Variants in AUTS2 observed in about 807,000 individuals in gnomAD.
AUTS2 encodes the protein autism susceptibility gene 2 protein.
A neutral mutation model predicts 112.4 loss-of-function variants in AUTS2; 17 were observed. That is an observed-to-expected ratio of 0.15 (90% CI 0.10 to 0.23). The LOEUF (loss-of-function observed/expected upper bound fraction) is 0.23. Ranked by LOEUF, AUTS2 falls within the 10% of genes least tolerant of loss-of-function variation. The pLI, the probability that AUTS2 is intolerant of heterozygous loss-of-function variation, is 1.00. For synonymous variants in AUTS2, 751 were observed against 702.7 expected (o/e 1.07, Z -1.09); for missense variants, 1,510 against 1,701.6 (o/e 0.89, Z 1.98).
At chr7:70,672,555 G>GATA (rs1327279103) in intron 5 of AUTS2, among the ~76,000 whole-genome samples, 2 of 152,118 alleles carry the variant, frequency 1.3e-5, no homozygotes, top group Non-Finnish European at 2.9e-5. Flanking sequence ...CAGCTGAATA[G>GATA]ATAATAGTCA....
Position 70,439,488 on chromosome 7 carries a change from G to A in AUTS2, c.690+3707G>A, listed in dbSNP as rs895526675. On this transcript the variant is annotated intron_variant, in intron 5 of 18. Transcript: ENST00000342771. ...CGGGAGGCGGAAGTTGCAGTGAGCC[G>A]AGATCGCACCATTGCACTCCAGCCT... Among the ~76,000 whole-genome samples, 14 of 145,656 alleles carry A rather than the reference G, an allele frequency of 9.6e-5. 1 individual carries two copies. The South Asian group carries it at 1.5e-3, about 16-fold the overall frequency.
chr7:69,727,153 G>A (rs186550947), intron 1 of AUTS2, among the ~76,000 whole-genome samples: 1 of 152,072 alleles, frequency 6.6e-6, no homozygotes, highest in Non-Finnish European at 1.5e-5. Flanking sequence ...ATCTTTTGGT[G>A]TATGTTCCAT....
intron 5 of AUTS2, among the ~76,000 whole-genome samples, chr7:70,682,044 C>G (rs910870808): frequency 2.5e-4 from 38 of 152,142 alleles, no homozygotes; most frequent in African/African-American, 7.0e-4. Context: ...ATTCTAGAAC[C>G]AGAGGTTTGA....
At chr7:70,052,116 A>C (rs1409490744) in intron 2 of AUTS2, among the ~76,000 whole-genome samples, 1 of 152,234 alleles carries the variant, frequency 6.6e-6, no homozygotes, top group East Asian at 1.9e-4. Context: ...TGTGCAGTGC[A>C]GCAAGACATA....
At chr7:70,767,865 G>C (rs1790037222) in intron 9 of AUTS2, among the ~76,000 whole-genome samples, 159 bp from the exon 10 acceptor site, 1 of 152,200 alleles carries the variant, frequency 6.6e-6, no homozygotes, top group Admixed American at 6.5e-5. Flanking sequence ...TTGGCTTCTT[G>C]TCAGGGAGAC....
chr7:70,583,446 T>C (rs530626256), intron 5 of AUTS2, among the ~76,000 whole-genome samples: 1 of 152,338 alleles, frequency 6.6e-6, no homozygotes, highest in Admixed American at 6.5e-5. Context: ...CTGATCTCCC[T>C]GCTCGAGGCA....
At chr7:70,384,081 G>A (rs1039109479) in intron 4 of AUTS2, among the ~76,000 whole-genome samples, 1 of 152,230 alleles carries the variant, frequency 6.6e-6, no homozygotes, top group Non-Finnish European at 1.5e-5. Flanking sequence ...TTGTCACTGG[G>A]AAGTGAAGCT....
At position 70,238,483 on chromosome 7, in the gene AUTS2, C is replaced by T. The variant is rs147949790; in HGVS notation, c.660+103912C>T. 2.8e-4 allele frequency among the ~76,000 whole-genome samples: 42 copies of T among 152,282 alleles called. No individual in the cohort carries two copies. In the East Asian group the frequency reaches 7.5e-3, roughly 27 times the overall value. On this transcript the variant is annotated intron_variant, in intron 4 of 18. Transcript: ENST00000342771. ...TCCCTCCCTTCTTATTTACTTTCCT[C>T]TTTTAGCTTAGCAAGTCCTCTCTCT...
At chr7:70,629,604 G>A (rs957434240) in intron 5 of AUTS2, among the ~76,000 whole-genome samples, 7 of 152,152 alleles carry the variant, frequency 4.6e-5, no homozygotes, top group Admixed American at 2.0e-4. Flanking sequence ...AGAGGCAGGC[G>A]CGTCTCAGAT....
intron 1 of AUTS2, among the ~76,000 whole-genome samples, chr7:69,673,687 G>A (rs951739217): frequency 6.6e-6 from 1 of 152,148 alleles, no homozygotes; most frequent in African/African-American, 2.4e-5. Flanking sequence ...ATTCCTTATT[G>A]GTAGAAAGGT....
At chr7:69,670,170 C>T (rs1796251300) in intron 1 of AUTS2, among the ~76,000 whole-genome samples, 1 of 152,102 alleles carries the variant, frequency 6.6e-6, no homozygotes, top group Non-Finnish European at 1.5e-5. Flanking sequence ...ACTTGGTGAG[C>T]AAGACCTGAC....
intron 5 of AUTS2, among the ~76,000 whole-genome samples, chr7:70,472,342 G>A (rs2115925651): frequency 6.7e-6 from 1 of 148,672 alleles, no homozygotes; most frequent in African/African-American, 2.5e-5. Context: ...TCTTGTTTGG[G>A]TTTTGGGGCT....
intron 4 of AUTS2, among the ~76,000 whole-genome samples, chr7:70,163,911 C>T (rs553320656): frequency 1.3e-5 from 2 of 152,222 alleles, no homozygotes; most frequent in East Asian, 3.9e-4. Flanking sequence ...AGCAGGAGAA[C>T]TGAGAAATTC....
rs145390451 is a variant in AUTS2, at chr7:70,786,406, G to A, written c.2308+368G>A. Among the ~76,000 whole-genome samples the A allele has an allele frequency of 7.4e-3, 1,125 of 152,272 alleles. 12 individuals carry two copies. The highest frequency in any genetic ancestry group is 0.025 in the African/African-American group (1,043 of 41,546). ...GCAATTGTTACATTTCATCTTGCCC[G>A]TGGCATTCGTGGAATTGAAAAAAGC... On this transcript the variant is annotated intron_variant, in intron 17 of 18. Transcript: ENST00000342771.
intron 1 of AUTS2, among the ~76,000 whole-genome samples, chr7:69,776,304 A>T (rs1333091784): frequency 6.6e-6 from 1 of 152,186 alleles, no homozygotes; most frequent in Non-Finnish European, 1.5e-5. Context: ...AGGAGGGATT[A>T]GTTAGGTTTT....
At chr7:69,797,032 G>A (rs973832511) in intron 1 of AUTS2, among the ~76,000 whole-genome samples, 4 of 152,070 alleles carry the variant, frequency 2.6e-5, no homozygotes, top group Non-Finnish European at 5.9e-5. Flanking sequence ...AAGTGTAAAG[G>A]GCCTAGTATA....
chr7:70,485,661 T>A (rs891739760), intron 5 of AUTS2, among the ~76,000 whole-genome samples: 1 of 151,822 alleles, frequency 6.6e-6, no homozygotes, highest in Non-Finnish European at 1.5e-5. Context: ...AAAAAAAGTA[T>A]CTCTGGTTTC....
chr7:69,824,574 A>G, intron 1 of AUTS2: 1 of 151,722 alleles, frequency 6.6e-6, no homozygotes, highest in East Asian at 1.9e-4. Flanking sequence ...GGGCTTCACT[A>G]TCATTTTCAT....
intron 4 of AUTS2, among the ~76,000 whole-genome samples, chr7:70,227,244 A>T (rs1377263438): frequency 1.3e-5 from 2 of 151,804 alleles, no homozygotes; most frequent in East Asian, 3.9e-4. Flanking sequence ...AATAATACTT[A>T]CACCCCTGCC....
Sources: gnomAD v4.1 joint callset for allele counts (sites outside exome capture counted in the v4.1 genomes callset) on GRCh38, gnomAD v4.1.1 for gene constraint, MANE v1.5 for transcripts, NCBI Gene and HGNC (gene_info 2026-07-23, HGNC 2026-07-21) for gene names.